The following IQGAP1 variants were observed in gnomAD, a reference collection of about 807,000 sequenced individuals.
IQGAP1 encodes IQ motif containing GTPase activating protein 1.
In IQGAP1, 66 loss-of-function variants were observed where a neutral mutation model predicts 215.6. That is an observed-to-expected ratio of 0.31 (90% CI 0.25 to 0.38). IQGAP1 has a LOEUF of 0.38. IQGAP1 is among the 10% of genes least tolerant of loss of function. IQGAP1 has a pLI of 1.00. For synonymous variants in IQGAP1, 772 were observed against 728.7 expected, an observed-to-expected ratio of 1.06 and a Z score of -0.96; for missense variants, 1,712 against 1,997.1, an observed-to-expected ratio of 0.86 and a Z score of 2.72.
intron 15 of IQGAP1, among the ~76,000 whole-genome samples, chr15:90,457,080 G>A (rs1405816668): frequency 6.6e-6 from 1 of 151,808 alleles, no homozygotes; most frequent in Admixed American, 6.6e-5. Flanking sequence ...GTATTTGGCA[G>A]TCAGATTGTA....
rs1215615688 is a variant in IQGAP1, at chr15:90,431,135, T to C, written c.390+1469T>C. ...ATATGTATACAATATACAACAGATA[T>C]GCATTGTTGCATACATACCTGTGGA... On this transcript the variant is annotated intron_variant, in intron 4 of 37. Coordinates refer to ENST00000268182, the MANE Select transcript of IQGAP1 (RefSeq NM_003870.4). 3.3e-5 allele frequency: 5 copies of C among 151,140 alleles called. No individual in the cohort carries two copies. The South Asian group carries it at 8.3e-4, about 25-fold the overall frequency. The allele number at this position is 151,140 out of a possible 1,614,324, so 9.4% of individuals were successfully genotyped here. A position where few individuals can be genotyped will look rare whatever the true frequency, so the allele number is the denominator to read the frequency against.
chr15:90,493,384 TG>T (rs1785994755), intron 35 of IQGAP1, among the ~76,000 whole-genome samples: 1 of 152,206 alleles, frequency 6.6e-6, no homozygotes, highest in Admixed American at 6.5e-5. Context: ...TCACAGGCTC[TG>T]ATTTTTTTTC....
At chr15:90,495,167 G>T (rs1596295817) in intron 36 of IQGAP1, among the ~76,000 whole-genome samples, 1 of 152,140 alleles carries the variant, frequency 6.6e-6, no homozygotes, top group African/African-American at 2.4e-5. Context: ...AGAGGAGTTT[G>T]CTTTATTCCA....
At position 90,486,049 on chromosome 15, in the gene IQGAP1, A is replaced by T. The variant is rs779595263; in HGVS notation, c.3941A>T (p.Asp1314Val). 6.2e-7 allele frequency: 1 copy of T among 1,613,890 alleles called. No individual in the cohort carries two copies. Among genetic ancestry groups the T allele is most frequent in the Non-Finnish European group, 8.5e-7 (1 of 1,179,876 alleles). Residue 1314 changes from aspartate (D) to valine (V), a missense_variant, in exon 31 of 38, where the codon GAT becomes GTT. Asp to Val is a radical substitution (Grantham distance 152). Transcript: ENST00000268182. ...TTGCAGCTCCTGTTGGATCACCAGG[A>T]TGCCATTGCTCCGGAGCACAATGAT... ...NTHTLLLDHQDAIAPEHNDPI... is the reference protein window; with the variant it reads ...NTHTLLLDHQVAIAPEHNDPI...
intron 3 of IQGAP1, among the ~76,000 whole-genome samples, chr15:90,427,337 T>A (rs1965237522): frequency 6.6e-6 from 1 of 152,184 alleles, no homozygotes; most frequent in African/African-American, 2.4e-5. Context: ...TTGCTGGAGT[T>A]CAAGGTACAA....
chr15:90,486,992 G>A lies in IQGAP1; in HGVS notation c.4063G>A (p.Ala1355Thr), dbSNP rs367610544. 5.6e-6 allele frequency: 9 copies of A among 1,613,968 alleles called. No homozygotes were observed. The African/African-American group carries it at 1.2e-4, about 22-fold the overall frequency. The change falls in exon 32 of 38, where the codon GCA becomes ACA. Residue 1355 changes from alanine to threonine, a missense_variant. This residue lies in a region of IQGAP1 where 691 missense variants were observed against 923.0 expected (regional missense o/e 0.75). Transcript: ENST00000268182. Reference sequence around the variant, plus strand: ...CAATTTAAATGACCCAAATAAGGAGGCACTGGCTAAGACGGAAGTGTCTCT... The same window carrying A: ...CAATTTAAATGACCCAAATAAGGAGACACTGGCTAAGACGGAAGTGTCTCT... ...SGNLNDPNKE[A>T]LAKTEVSLTL... is the part of the protein sequence containing the mutation.
rs78880166 is a variant in IQGAP1, at chr15:90,446,655, G to C, written c.914-1918G>C. On this transcript the variant is annotated intron_variant, in intron 9 of 37. Coordinates refer to ENST00000268182, the MANE Select transcript of IQGAP1 (RefSeq NM_003870.4). ...AAGTTAGATGCCAGGAGGATATAGGGACTTCGGGTTCCAGGAATTAATGTA... is the reference window on the plus strand; with the variant it reads ...AAGTTAGATGCCAGGAGGATATAGGCACTTCGGGTTCCAGGAATTAATGTA... 7.9e-3 allele frequency among the ~76,000 whole-genome samples: 1,210 copies of C among 152,246 alleles called. 17 individuals carry two copies. Among genetic ancestry groups the C allele is most frequent in the African/African-American group, 0.027 (1,127 of 41,546 alleles).
intron 15 of IQGAP1, among the ~76,000 whole-genome samples, chr15:90,463,080 C>T (rs1298035846): frequency 2.0e-5 from 3 of 152,184 alleles, no homozygotes; most frequent in African/African-American, 7.2e-5. Context: ...TGTATGCTGT[C>T]TCTCTTTCCT....
intron 26 of IQGAP1, among the ~76,000 whole-genome samples, chr15:90,478,212 A>G (rs1265742599): frequency 6.6e-6 from 1 of 152,122 alleles, no homozygotes; most frequent in African/African-American, 2.4e-5. Flanking sequence ...ACTGGTCTCG[A>G]ACTCCTGACC....
intron 1 of IQGAP1, among the ~76,000 whole-genome samples, chr15:90,389,037 G>GAGGA (rs1486587540): frequency 6.6e-6 from 1 of 152,176 alleles, no homozygotes; most frequent in Non-Finnish European, 1.5e-5. Flanking sequence ...TTGGCTAAAG[G>GAGGA]AGGACCCTTT....
intron 8 of IQGAP1, among the ~76,000 whole-genome samples, chr15:90,443,132 A>G (rs1965475662): frequency 1.3e-5 from 2 of 152,140 alleles, no homozygotes; most frequent in Non-Finnish European, 2.9e-5. Context: ...CTAATAAAAA[A>G]AAGTTTTTTG....
At chr15:90,397,510 C>CTTTT (rs892748490) in intron 2 of IQGAP1, among the ~76,000 whole-genome samples, 45 of 106,364 alleles carry the variant, frequency 4.2e-4, no homozygotes, top group Non-Finnish European at 4.7e-4. Flanking sequence ...ACTCAACAAA[C>CTTTT]TTTTTTTTTT....
At chr15:90,453,465 C>T (rs1027481343) in intron 13 of IQGAP1, among the ~76,000 whole-genome samples, 173 bp downstream of exon 13, 3 of 152,140 alleles carry the variant, frequency 2.0e-5, no homozygotes, top group Admixed American at 6.5e-5. Context: ...TATGACATTC[C>T]GTTCCTAAAT....
Position 90,392,748 on chromosome 15 carries a change from C to CTTTTTTTTTTTTTTT in IQGAP1, c.155+1878_155+1892dup, listed in dbSNP as rs10701656. Among the ~76,000 whole-genome samples the CTTTTTTTTTTTTTTT allele has an allele frequency of 8.5e-5, 10 of 117,808 alleles. 1 individual carries two copies. Among genetic ancestry groups the CTTTTTTTTTTTTTTT allele is most frequent in the African/African-American group, 1.0e-4 (3 of 28,830 alleles). 77.3% of individuals were successfully genotyped at this position (117,808 alleles called of 152,430 possible). On this transcript the variant is annotated intron_variant, in intron 2 of 37. Transcript: ENST00000268182. ...TTTCTTGATTGAAGAATGTTTCTAT[C>CTTTTTTTTTTTTTTT]TTTTTTTTTTTTTTTTTGTACAGTC...
intron 30 of IQGAP1, among the ~76,000 whole-genome samples, chr15:90,484,728 G>C (rs1247399627): frequency 6.6e-6 from 1 of 152,046 alleles, no homozygotes; most frequent in Non-Finnish European, 1.5e-5. Context: ...CCAGCATGGT[G>C]TCGATATCCT....
At chr15:90,456,598 C>T (rs933228544) in intron 15 of IQGAP1, among the ~76,000 whole-genome samples, 3 of 151,476 alleles carry the variant, frequency 2.0e-5, no homozygotes, top group African/African-American at 7.3e-5. Context: ...CAGGGCTGGG[C>T]GCAGTGGCTC....
intron 2 of IQGAP1, among the ~76,000 whole-genome samples, chr15:90,407,183 C>T (rs1964891448): frequency 6.6e-6 from 1 of 152,146 alleles, no homozygotes; most frequent in African/African-American, 2.4e-5. Flanking sequence ...TTAGTTGAGA[C>T]TTAGTTGTTG....
intron 5 of IQGAP1, among the ~76,000 whole-genome samples, chr15:90,434,737 G>A (rs542858591): frequency 1.1e-3 from 164 of 152,270 alleles, no homozygotes; most frequent in African/African-American, 3.7e-3. Flanking sequence ...TACCAGTTGA[G>A]CATGCCAAAT....
intron 11 of IQGAP1, 44 bp downstream of exon 11, chr15:90,449,687 G>A: frequency 6.6e-7 from 1 of 1,515,116 alleles, no homozygotes. Context: ...TTGTGGCTTT[G>A]TGTTATTGAA....
Sources: gnomAD v4.1 joint callset for allele counts (sites outside exome capture counted in the v4.1 genomes callset) on GRCh38, gnomAD v4.1.1 for gene constraint, gnomAD v4.1.1 regional missense constraint, MANE v1.5 for transcripts, NCBI Gene and HGNC (gene_info 2026-07-23, HGNC 2026-07-21) for gene names.